The following CEP85L variants were observed in gnomAD, a reference collection of about 807,000 sequenced individuals.
CEP85L encodes the protein centrosomal protein of 85 kDa-like.
CEP85L carries 60 observed loss-of-function variants against 100.3 expected under a neutral mutation model. The ratio of observed to expected loss-of-function variants is 0.60; its 90% confidence interval spans 0.49 to 0.74. The LOEUF (loss-of-function observed/expected upper bound fraction) is 0.74, where lower values mean the gene tolerates loss of function less well. CEP85L is among the 30% of genes least tolerant of loss of function. CEP85L has a pLI of 0.00. For synonymous variants in CEP85L, 319 were observed against 322.7 expected, an observed-to-expected ratio of 0.99 and a Z score of 0.12; for missense variants, 973 against 936.2, an observed-to-expected ratio of 1.04 and a Z score of -0.51.
At chr6:118,708,811 G>C (rs1195828110) in intron 1 of CEP85L, among the ~76,000 whole-genome samples, 9 of 152,022 alleles carry the variant, frequency 5.9e-5, no homozygotes, top group Admixed American at 2.0e-4. Context: ...TCAGGCGAAA[G>C]AAAGACTGGT....
chr6:118,545,425 T>C (rs1414028452), intron 3 of CEP85L, among the ~76,000 whole-genome samples: 1 of 151,772 alleles, frequency 6.6e-6, no homozygotes, highest in Non-Finnish European at 1.5e-5. Flanking sequence ...CCATCTCTAC[T>C]AAAAATACAA....
At chr6:118,483,611 A>T in intron 7 of CEP85L, 95 bp downstream of exon 7, 1 of 1,144,600 alleles carries the variant, frequency 8.7e-7, no homozygotes, top group Non-Finnish European at 1.2e-6. Context: ...AACAGCAATT[A>T]AACACATAGA....
intron 1 of CEP85L, 52 bp from the exon 2 acceptor site, chr6:118,632,663 A>AT (rs750091780): frequency 1.6e-3 from 2,287 of 1,396,738 alleles, no homozygotes; most frequent in South Asian, 3.0e-3. Flanking sequence ...TAGGCAGAAG[A>AT]TTTTTTTTTT....
At chr6:118,668,900 A>T (rs1776211466) in intron 1 of CEP85L, among the ~76,000 whole-genome samples, 2 of 152,192 alleles carry the variant, frequency 1.3e-5, no homozygotes, top group Non-Finnish European at 2.9e-5. Context: ...TTCTCAGAAA[A>T]GCTACCCTGT....
In CEP85L at chr6:118,490,514, T is replaced by C. The variant is rs967735251; in HGVS notation, c.1437+1172A>G. Among the ~76,000 whole-genome samples, 4 of 152,316 alleles carry C rather than the reference T, an allele frequency of 2.6e-5. No individual in the cohort carries two copies. In the Middle Eastern group the frequency reaches 0.01, roughly 389 times the overall value. ...CAACACTAGTAGTGGGAGTATTAAA[T>C]GGTACAATCACTTGGGTAGTTTCTT... On this transcript the variant is annotated intron_variant, in intron 6 of 12. Coordinates refer to ENST00000368491, the MANE Select transcript of CEP85L (RefSeq NM_001042475.3).
chr6:118,649,415 CAA>C (rs1038579773), intron 1 of CEP85L, among the ~76,000 whole-genome samples: 8 of 152,204 alleles, frequency 5.3e-5, no homozygotes, highest in Non-Finnish European at 1.2e-4. Flanking sequence ...TGCAACATAA[CAA>C]AGTCCTTCGT....
intron 2 of CEP85L, among the ~76,000 whole-genome samples, chr6:118,612,642 C>G (rs1392948352): frequency 9.2e-6 from 1 of 108,246 alleles, no homozygotes; most frequent in African/African-American, 3.7e-5. Flanking sequence ...GCCTGGGCGA[C>G]AGAGTGAGAC....
At chr6:118,647,438 G>A (rs1159311440) in intron 1 of CEP85L, among the ~76,000 whole-genome samples, 1 of 152,212 alleles carries the variant, frequency 6.6e-6, no homozygotes, top group Non-Finnish European at 1.5e-5. Flanking sequence ...TCAGCCCACT[G>A]CAACCTCAGC....
At chr6:118,491,266 CTGTG>C (rs759989669) in intron 6 of CEP85L, among the ~76,000 whole-genome samples, 4 of 150,416 alleles carry the variant, frequency 2.7e-5, no homozygotes, top group African/African-American at 7.3e-5. Flanking sequence ...GTGTTCCTGT[CTGTG>C]TATTTGGTTT....
chr6:118,578,854 GTTC>G (rs1386622546), intron 2 of CEP85L, among the ~76,000 whole-genome samples: 3 of 152,210 alleles, frequency 2.0e-5, no homozygotes, highest in African/African-American at 7.2e-5. Flanking sequence ...CTGAGTGCTA[GTTC>G]TTCTTTGCGG....
intron 1 of CEP85L, among the ~76,000 whole-genome samples, chr6:118,682,458 T>A (rs1203712367): frequency 1.3e-5 from 2 of 152,116 alleles, no homozygotes; most frequent in Non-Finnish European, 2.9e-5. Flanking sequence ...CCGAGTGGAT[T>A]ATACTAGATG....
intron 3 of CEP85L, among the ~76,000 whole-genome samples, chr6:118,532,877 A>G (rs1402944131): frequency 6.6e-6 from 1 of 152,172 alleles, no homozygotes; most frequent in Admixed American, 6.5e-5. Flanking sequence ...CAAATACAGA[A>G]TTCAAATTAA....
intron 2 of CEP85L, among the ~76,000 whole-genome samples, chr6:118,627,198 C>CAA (rs56203910): frequency 3.4e-4 from 25 of 72,518 alleles, no homozygotes; most frequent in African/African-American, 6.1e-4. Context: ...GACTCCATCT[C>CAA]AAAAAAAAAA....
chr6:118,549,216 T>G (rs576526734), intron 3 of CEP85L, among the ~76,000 whole-genome samples: 1 of 152,098 alleles, frequency 6.6e-6, no homozygotes, highest in Non-Finnish European at 1.5e-5. Context: ...TTTCTGCCTA[T>G]TAATGCCTAT....
intron 2 of CEP85L, among the ~76,000 whole-genome samples, chr6:118,604,920 A>G (rs1465156997): frequency 8.1e-6 from 1 of 123,918 alleles, no homozygotes; most frequent in Non-Finnish European, 1.9e-5. Context: ...CGTGAACAAA[A>G]AGGCATTAAA....
chr6:118,561,780 T>C (rs560639905), intron 3 of CEP85L, among the ~76,000 whole-genome samples: 1 of 152,304 alleles, frequency 6.6e-6, no homozygotes, highest in South Asian at 2.1e-4. Flanking sequence ...ATTATAGTTT[T>C]AATTTTATAG....
chr6:118,520,608 C>T (rs1776605853), intron 4 of CEP85L, among the ~76,000 whole-genome samples: 1 of 152,070 alleles, frequency 6.6e-6, no homozygotes, highest in African/African-American at 2.4e-5. Context: ...ATTATAGTTA[C>T]CCTATAGTGC....
chr6:118,653,044 A>C (rs538768111), upstream of CEP85L, among the ~76,000 whole-genome samples: 139 of 152,330 alleles, frequency 9.1e-4, 2 homozygotes, highest in African/African-American at 3.3e-3. Flanking sequence ...AGTTCTAAGA[A>C]GTGTATAAAA....
chr6:118,477,145 T>C (rs1312814402), intron 10 of CEP85L, among the ~76,000 whole-genome samples: 3 of 152,154 alleles, frequency 2.0e-5, no homozygotes, highest in African/African-American at 7.2e-5. Flanking sequence ...GCTATACTAG[T>C]TTTATGGATA....
Sources: gnomAD v4.1 joint callset for allele counts (sites outside exome capture counted in the v4.1 genomes callset) on GRCh38, gnomAD v4.1.1 for gene constraint, MANE v1.5 for transcripts, NCBI Gene and HGNC (gene_info 2026-07-23, HGNC 2026-07-21) for gene names.